Variants in NBAS observed in about 807,000 individuals in gnomAD.
The protein encoded by NBAS is NAG/BC035112 fusion.
In NBAS, 219 loss-of-function variants were observed where a neutral mutation model predicts 302.5. That is an observed-to-expected ratio of 0.72 (90% CI 0.65 to 0.81). The LOEUF is 0.81. Ranked by LOEUF, NBAS falls within the 30% of genes least tolerant of loss-of-function variation. The probability of loss-of-function intolerance (pLI) is 0.00; values close to 1 mark genes in which losing one functional copy is unlikely to be tolerated. For synonymous variants in NBAS, 1,118 were observed against 1,021.6 expected, an observed-to-expected ratio of 1.09 and a Z score of -1.80; for missense variants, 2,932 against 2,841.6, an observed-to-expected ratio of 1.03 and a Z score of -0.72.
chr2:15,311,501 C>A (rs932052555), intron 38 of NBAS, among the ~76,000 whole-genome samples: 3 of 152,114 alleles, frequency 2.0e-5, no homozygotes, highest in African/African-American at 4.8e-5. Context: ...AAAGGTTCTT[C>A]CAATAACAAC....
At chr2:15,404,686 T>C (rs1454810081) in intron 25 of NBAS, among the ~76,000 whole-genome samples, 1 of 151,940 alleles carries the variant, frequency 6.6e-6, no homozygotes, top group African/African-American at 2.4e-5. Context: ...CTAATTTTTG[T>C]ATTTTCAGTA....
the NBAS span, among the ~76,000 whole-genome samples, chr2:14,932,249 C>T: frequency 6.6e-6 from 1 of 152,190 alleles, no homozygotes; most frequent in Non-Finnish European, 1.5e-5. Context: ...AGACTTCAAA[C>T]TATGCTGCTG....
intron 10 of NBAS, among the ~76,000 whole-genome samples, chr2:15,508,723 G>C (rs567007454): frequency 6.6e-6 from 1 of 152,006 alleles, no homozygotes; most frequent in South Asian, 2.1e-4. Context: ...TGCAGACTTG[G>C]CCGGGCATGG....
the NBAS span, among the ~76,000 whole-genome samples, chr2:14,987,033 A>T: frequency 1.3e-5 from 2 of 152,118 alleles, no homozygotes; most frequent in Admixed American, 1.3e-4. Context: ...TTATTAGATA[A>T]ATATAGATCT....
intron 35 of NBAS, among the ~76,000 whole-genome samples, chr2:15,339,633 C>CAAAGCATGTCAGA (rs199827438): frequency 1.3e-5 from 2 of 151,962 alleles, no homozygotes; most frequent in African/African-American, 2.4e-5. Context: ...AAAATAAATA[C>CAAAGCATGTCAGA]AAAGCATGTC....
At chr2:14,793,880 G>T in the NBAS span, among the ~76,000 whole-genome samples, 1 of 152,002 alleles carries the variant, frequency 6.6e-6, no homozygotes, top group Non-Finnish European at 1.5e-5. Flanking sequence ...AACTAGGAAG[G>T]TTAGAAGGAA....
intron 35 of NBAS, among the ~76,000 whole-genome samples, chr2:15,340,640 A>G (rs1015298499): frequency 2.0e-5 from 3 of 152,154 alleles, no homozygotes; most frequent in African/African-American, 7.2e-5. Context: ...TCAAGTCAGG[A>G]TAATGTATGA....
chr2:15,470,246 A>G (rs958474203), intron 16 of NBAS, among the ~76,000 whole-genome samples: 6 of 152,024 alleles, frequency 3.9e-5, no homozygotes, highest in Non-Finnish European at 7.4e-5. Context: ...AAGGTTTCCT[A>G]CCTTCCTTCC....
At chr2:14,996,726 G>A in the NBAS span, among the ~76,000 whole-genome samples, 1 of 152,142 alleles carries the variant, frequency 6.6e-6, no homozygotes, top group African/African-American at 2.4e-5. Context: ...CCTTCCAAAG[G>A]GCAGGAAAGC....
chr2:15,047,518 T>G, the NBAS span, among the ~76,000 whole-genome samples: 1 of 151,040 alleles, frequency 6.6e-6, no homozygotes, highest in Non-Finnish European at 1.5e-5. Flanking sequence ...AAGTGAAGGC[T>G]GGGCCCGGGC....
chr2:15,315,693 A>G (rs1224817485), intron 38 of NBAS, among the ~76,000 whole-genome samples: 3 of 152,206 alleles, frequency 2.0e-5, no homozygotes, highest in Non-Finnish European at 4.4e-5. Flanking sequence ...ATGGAAAGGA[A>G]AGGAATCTCT....
At chr2:14,860,873 A>T in the NBAS span, among the ~76,000 whole-genome samples, 2 of 152,234 alleles carry the variant, frequency 1.3e-5, no homozygotes, top group African/African-American at 4.8e-5. Flanking sequence ...TAAAGAAAAG[A>T]CAAAAATTTA....
the NBAS span, among the ~76,000 whole-genome samples, chr2:14,854,932 C>G: frequency 7.6e-4 from 116 of 152,246 alleles, no homozygotes; most frequent in Admixed American, 1.6e-3. Flanking sequence ...ACTGAGACAC[C>G]AGCTGGGGCA....
At chr2:14,942,703 C>A in the NBAS span, among the ~76,000 whole-genome samples, 1 of 152,192 alleles carries the variant, frequency 6.6e-6, no homozygotes, top group Non-Finnish European at 1.5e-5. Context: ...AGCCTAAACC[C>A]CCTATTGACA....
chr2:14,823,080 G>T, the NBAS span, among the ~76,000 whole-genome samples: 1 of 152,186 alleles, frequency 6.6e-6, no homozygotes, highest in Admixed American at 6.5e-5. Context: ...ATAAATTTTA[G>T]ATAGAATTTT....
chr2:15,468,371 C>G lies in NBAS; in HGVS notation c.1877+11G>C. On this transcript the variant is annotated intron_variant, in intron 17 of 51. Coordinates refer to ENST00000281513, the MANE Select transcript of NBAS (RefSeq NM_015909.4). ...ACCTTTACTTTGAATCCAATTCTTTCTGTAACCAACCTGCCATCATCTGCT... is the reference window on the plus strand; with the variant it reads ...ACCTTTACTTTGAATCCAATTCTTTGTGTAACCAACCTGCCATCATCTGCT... The G allele has an allele frequency of 6.2e-7, 1 of 1,613,966 alleles. No homozygotes were observed. Among genetic ancestry groups the G allele is most frequent in the Non-Finnish European group, 8.5e-7 (1 of 1,179,904 alleles).
chr2:15,095,354 G>T, the NBAS span, among the ~76,000 whole-genome samples: 1 of 152,154 alleles, frequency 6.6e-6, no homozygotes. Flanking sequence ...AAGGAGAAAG[G>T]CAGGCTTTAC....
At chr2:14,869,770 CA>C in the NBAS span, among the ~76,000 whole-genome samples, 1 of 152,088 alleles carries the variant, frequency 6.6e-6, no homozygotes, top group Non-Finnish European at 1.5e-5. Flanking sequence ...CAAAACTAGG[CA>C]AAAAGGTAGC....
chr2:14,965,536 C>G, the NBAS span, among the ~76,000 whole-genome samples: 1 of 152,102 alleles, frequency 6.6e-6, no homozygotes, highest in Admixed American at 6.5e-5. Context: ...GCAGTTAAAA[C>G]TCTTTGCAAG....
Sources: allele counts gnomAD v4.1 joint callset (sites outside exome capture counted in the v4.1 genomes callset), GRCh38; gene constraint gnomAD v4.1.1; transcripts MANE v1.5; gene names NCBI Gene and HGNC (gene_info 2026-07-23, HGNC 2026-07-21).